DYNC1I1: variants seen among roughly 807,000 people sequenced by gnomAD.
The protein encoded by DYNC1I1 is cytoplasmic dynein 1 intermediate chain 1.
Under a neutral mutation model 86.6 loss-of-function variants are expected in DYNC1I1, and 43 were observed. The observed-to-expected ratio is 0.50, with a 90% CI of 0.39 to 0.64. The LOEUF (loss-of-function observed/expected upper bound fraction) is 0.64. Among genes scored for constraint, DYNC1I1 ranks in the 30% least tolerant of loss-of-function variants. The pLI is 0.00. For synonymous variants in DYNC1I1, 262 were observed against 283.7 expected (o/e 0.92, Z 0.77); for missense variants, 604 against 788.8 (o/e 0.77, Z 2.81).
At chr7:95,821,032 T>G (rs1224503411) in intron 4 of DYNC1I1, among the ~76,000 whole-genome samples, 1 of 152,236 alleles carries the variant, frequency 6.6e-6, no homozygotes, top group Non-Finnish European at 1.5e-5. Flanking sequence ...TAGGGAGACA[T>G]GCCCTGATTT....
intron 6 of DYNC1I1, among the ~76,000 whole-genome samples, chr7:95,934,624 A>G (rs1791990389): frequency 6.6e-6 from 1 of 152,154 alleles, no homozygotes; most frequent in African/African-American, 2.4e-5. Context: ...GTCATAGAAT[A>G]AAGAACTCCC....
intron 16 of DYNC1I1, among the ~76,000 whole-genome samples, chr7:96,104,561 G>A (rs1161676566): frequency 9.2e-5 from 14 of 152,040 alleles, no homozygotes; most frequent in Admixed American, 7.2e-4. Flanking sequence ...TGAGGTAGTG[G>A]TAAACATTAT....
chr7:96,098,557 G>T, downstream of DYNC1I1: 8 of 519,310 alleles, frequency 1.5e-5, no homozygotes, highest in Non-Finnish European at 1.7e-5. Flanking sequence ...AGCCAACCTG[G>T]CTGGACTTAA....
chr7:95,973,342 A>G (rs142024792), intron 6 of DYNC1I1, among the ~76,000 whole-genome samples: 2 of 152,334 alleles, frequency 1.3e-5, no homozygotes, highest in African/African-American at 4.8e-5. Flanking sequence ...CAAATCCACC[A>G]AAACACTTAC....
chr7:95,805,047 G>A (rs1199548979), intron 2 of DYNC1I1, among the ~76,000 whole-genome samples: 1 of 152,176 alleles, frequency 6.6e-6, no homozygotes, highest in Non-Finnish European at 1.5e-5. Context: ...ATTTGGTCCA[G>A]AGGCTCCAGA....
intron 7 of DYNC1I1, among the ~76,000 whole-genome samples, chr7:95,983,959 T>A (rs62467721): frequency 6.6e-6 from 1 of 152,244 alleles, no homozygotes; most frequent in South Asian, 2.1e-4. Context: ...CTGCCCTTGA[T>A]GGTTTTTTGG....
At chr7:96,024,994 G>C (rs139916625) in intron 10 of DYNC1I1, among the ~76,000 whole-genome samples, 2 of 152,104 alleles carry the variant, frequency 1.3e-5, no homozygotes, top group East Asian at 3.9e-4. Context: ...ATTAAAAGAG[G>C]AGCCCTCATT....
intron 6 of DYNC1I1, among the ~76,000 whole-genome samples, chr7:95,897,891 T>G (rs918328234): frequency 6.6e-6 from 1 of 152,188 alleles, no homozygotes; most frequent in Non-Finnish European, 1.5e-5. Context: ...TTAACAAAGC[T>G]GGCAGACACA....
chr7:96,100,557 C>T (rs2375045), downstream of DYNC1I1, among the ~76,000 whole-genome samples: 29,154 of 151,794 alleles, frequency 0.19, 3,015 homozygotes, highest in South Asian at 0.38. Flanking sequence ...ATTAGGAGCC[C>T]GGGGAGTAGC....
intron 6 of DYNC1I1, among the ~76,000 whole-genome samples, chr7:95,874,486 G>A (rs1790252720): frequency 6.6e-6 from 1 of 152,184 alleles, no homozygotes; most frequent in Non-Finnish European, 1.5e-5. Flanking sequence ...AAGTAAATTA[G>A]GTAGCTGCTA....
chr7:95,961,574 A>G (rs1792869803), intron 6 of DYNC1I1, among the ~76,000 whole-genome samples: 2 of 152,184 alleles, frequency 1.3e-5, no homozygotes, highest in African/African-American at 4.8e-5. Context: ...AACAATATAG[A>G]ATGGCAGAAG....
In DYNC1I1 at chr7:95,984,363, A is replaced by C. The variant is rs1408369201; in HGVS notation, c.581-452A>C. 2.0e-5 allele frequency among the ~76,000 whole-genome samples: 3 copies of C among 152,288 alleles called. No individual in the cohort carries two copies. The East Asian group carries it at 5.8e-4, about 29-fold the overall frequency. ...AATTTATGAATTTACTCAGTAGAAA[A>C]AGGAAAGGTACTATGAGGATCATAT... On this transcript the variant is annotated intron_variant, in intron 7 of 16. Transcript: ENST00000447467.
intron 6 of DYNC1I1, among the ~76,000 whole-genome samples, chr7:95,880,673 T>A (rs966737085): frequency 5.5e-5 from 8 of 144,698 alleles, no homozygotes; most frequent in African/African-American, 2.1e-4. Flanking sequence ...TGAGACAGAA[T>A]CTTGCTCTGT....
At chr7:95,818,391 TC>T (rs1358338940) in intron 4 of DYNC1I1, 1 of 498,780 alleles carries the variant, frequency 2.0e-6, no homozygotes. Context: ...AGCCTCGAAT[TC>T]CCGGGATCAA....
At chr7:95,841,473 G>A (rs1789280124) in intron 5 of DYNC1I1, among the ~76,000 whole-genome samples, 1 of 152,134 alleles carries the variant, frequency 6.6e-6, no homozygotes, top group Admixed American at 6.5e-5. Context: ...GGACGAGCCT[G>A]CAAGGCCATT....
chr7:95,914,368 G>A (rs1007631195), intron 6 of DYNC1I1, among the ~76,000 whole-genome samples: 9 of 152,040 alleles, frequency 5.9e-5, no homozygotes, highest in East Asian at 1.9e-4. Flanking sequence ...TCCTTTCTGC[G>A]GGTTGTGGAT....
At chr7:95,831,040 C>A (rs1788880167) in intron 5 of DYNC1I1, among the ~76,000 whole-genome samples, 1 of 152,034 alleles carries the variant, frequency 6.6e-6, no homozygotes, top group Non-Finnish European at 1.5e-5. Flanking sequence ...CTGCTTAAAT[C>A]TGTTAGTCTT....
At chr7:95,836,110 C>A (rs1201336173) in intron 5 of DYNC1I1, among the ~76,000 whole-genome samples, 1 of 152,068 alleles carries the variant, frequency 6.6e-6, no homozygotes, top group Non-Finnish European at 1.5e-5. Context: ...GTGGCTGGTA[C>A]CAATTGTTCC....
At chr7:95,790,917 C>T (rs1441829841) in intron 1 of DYNC1I1, among the ~76,000 whole-genome samples, 2 of 152,074 alleles carry the variant, frequency 1.3e-5, no homozygotes, top group African/African-American at 4.8e-5. Context: ...CATCATGACC[C>T]CAACAGGGAT....
Sources: allele counts gnomAD v4.1 joint callset (sites outside exome capture counted in the v4.1 genomes callset), GRCh38; gene constraint gnomAD v4.1.1; transcripts MANE v1.5; gene names NCBI Gene and HGNC (gene_info 2026-07-23, HGNC 2026-07-21).